The following GRID1 variants were observed in gnomAD, a reference collection of about 807,000 sequenced individuals.
GRID1 encodes the protein glutamate receptor ionotropic, delta-1.
In GRID1, 28 loss-of-function variants were observed where a neutral mutation model predicts 98.0. That is an observed-to-expected ratio of 0.29 (90% CI 0.21 to 0.39). GRID1 has a LOEUF of 0.39. Among genes scored for constraint, GRID1 ranks in the 10% least tolerant of loss-of-function variants. GRID1 has a pLI of 1.00. For synonymous variants in GRID1, 553 were observed against 538.5 expected (o/e 1.03, Z -0.37); for missense variants, 1,111 against 1,340.5 (o/e 0.83, Z 2.67).
At chr10:86,279,499 G>A (rs1040545927) in intron 2 of GRID1, among the ~76,000 whole-genome samples, 1 of 152,108 alleles carries the variant, frequency 6.6e-6, no homozygotes, top group African/African-American at 2.4e-5. Flanking sequence ...AGCCCAAAAA[G>A]AAACACATAT....
intron 2 of GRID1, among the ~76,000 whole-genome samples, chr10:86,325,827 C>A (rs1848041781): frequency 6.6e-6 from 1 of 152,214 alleles, no homozygotes; most frequent in Non-Finnish European, 1.5e-5. Flanking sequence ...AAGCATCACA[C>A]TTAACTGGGA....
At chr10:86,053,793 C>A (rs1843536275) in intron 4 of GRID1, among the ~76,000 whole-genome samples, 1 of 152,160 alleles carries the variant, frequency 6.6e-6, no homozygotes, top group South Asian at 2.1e-4. Flanking sequence ...CACATGCTGG[C>A]CCCCATCCCT....
chr10:85,824,853 T>C (rs959560068), intron 8 of GRID1, among the ~76,000 whole-genome samples: 3 of 152,224 alleles, frequency 2.0e-5, no homozygotes, highest in Non-Finnish European at 4.4e-5. Flanking sequence ...TCCAGATCCA[T>C]TGAAGTTGCT....
intron 2 of GRID1, among the ~76,000 whole-genome samples, chr10:86,225,630 G>A (rs1846329238): frequency 6.6e-6 from 1 of 152,150 alleles, no homozygotes. Context: ...CAGACACCCT[G>A]CCCTGGAGGG....
chr10:86,218,633 C>T lies in GRID1; in HGVS notation c.236-11985G>A, dbSNP rs578124031. ...CTGCTGTTCCCCTGCCAGAAGCTCA[C>T]TGTCACCTGTTGGCCCCTATCTACC... is the stretch of plus-strand genomic sequence containing the variant. On this transcript the variant is annotated intron_variant, in intron 2 of 15. Transcript: ENST00000327946. 1.6e-4 allele frequency among the ~76,000 whole-genome samples: 24 copies of T among 152,342 alleles called. No individual in the cohort carries two copies. In the East Asian group the frequency reaches 4.4e-3, roughly 28 times the overall value.
At chr10:85,907,784 GAATCAAATAT>G (rs1423341419) in intron 5 of GRID1, among the ~76,000 whole-genome samples, 1 of 151,962 alleles carries the variant, frequency 6.6e-6, no homozygotes, top group Non-Finnish European at 1.5e-5. Context: ...AAAATTTAAT[GAATCAAATAT>G]AATCAAATAG....
At chr10:85,835,825 C>T (rs78914109) in intron 8 of GRID1, among the ~76,000 whole-genome samples, 1 of 152,026 alleles carries the variant, frequency 6.6e-6, no homozygotes, top group African/African-American at 2.4e-5. Context: ...TGATATCATA[C>T]AGAGTATGTT....
chr10:86,174,886 A>G (rs549897412), intron 3 of GRID1, among the ~76,000 whole-genome samples: 2 of 152,304 alleles, frequency 1.3e-5, no homozygotes, highest in Non-Finnish European at 1.5e-5. Context: ...AAAACACATG[A>G]AAAAATGCTC....
intron 8 of GRID1, among the ~76,000 whole-genome samples, chr10:85,807,458 T>C (rs1430621883): frequency 6.6e-6 from 1 of 152,190 alleles, no homozygotes; most frequent in Non-Finnish European, 1.5e-5. Flanking sequence ...TACGAATATA[T>C]GAAAGATAAT....
At chr10:86,247,701 G>A (rs536776997) in intron 2 of GRID1, among the ~76,000 whole-genome samples, 12 of 152,250 alleles carry the variant, frequency 7.9e-5, no homozygotes, top group Admixed American at 6.5e-4. Context: ...GGATTGAGAG[G>A]GGGAAGTGCC....
At chr10:85,641,572 C>T (rs1843118720) in intron 13 of GRID1, among the ~76,000 whole-genome samples, 1 of 152,178 alleles carries the variant, frequency 6.6e-6, no homozygotes, top group South Asian at 2.1e-4. Flanking sequence ...GTTTTGGTGA[C>T]CATGCCACTA....
intron 4 of GRID1, among the ~76,000 whole-genome samples, chr10:86,001,241 A>G (rs567085027): frequency 1.3e-5 from 2 of 152,258 alleles, no homozygotes; most frequent in East Asian, 3.9e-4. Context: ...TTTTTGATGG[A>G]GCTGTTCTGT....
At chr10:86,095,214 T>G (rs1237474411) in intron 4 of GRID1, among the ~76,000 whole-genome samples, 1 of 152,188 alleles carries the variant, frequency 6.6e-6, no homozygotes, top group African/African-American at 2.4e-5. Flanking sequence ...TCAAGATGGA[T>G]TAAGGACTTA....
At chr10:85,877,506 A>C (rs1840912410) in intron 5 of GRID1, among the ~76,000 whole-genome samples, 1 of 152,172 alleles carries the variant, frequency 6.6e-6, no homozygotes, top group Non-Finnish European at 1.5e-5. Context: ...ACCCAGGCAA[A>C]CAGGGTCTGG....
intron 2 of GRID1, among the ~76,000 whole-genome samples, chr10:86,298,951 G>A (rs534360940): frequency 2.2e-4 from 34 of 152,024 alleles, no homozygotes; most frequent in African/African-American, 4.4e-4. Context: ...ACAGCATCCC[G>A]TCTTCCAGAA....
chr10:85,979,969 T>A (rs1842524329), intron 4 of GRID1, among the ~76,000 whole-genome samples: 1 of 152,254 alleles, frequency 6.6e-6, no homozygotes, highest in African/African-American at 2.4e-5. Context: ...CAGAATGAAC[T>A]TTTCAACCAA....
intron 8 of GRID1, among the ~76,000 whole-genome samples, chr10:85,768,839 A>T (rs973424210): frequency 2.6e-5 from 4 of 152,226 alleles, no homozygotes; most frequent in African/African-American, 9.6e-5. Flanking sequence ...ATATTTAGCA[A>T]AGTCACAAAC....
intron 13 of GRID1, among the ~76,000 whole-genome samples, chr10:85,635,953 G>A (rs1350254761): frequency 1.3e-5 from 2 of 152,240 alleles, no homozygotes; most frequent in Non-Finnish European, 2.9e-5. Flanking sequence ...AGTGAGAAGA[G>A]TTCAATACTG....
chr10:86,072,229 C>T (rs975079789), intron 4 of GRID1, among the ~76,000 whole-genome samples: 3 of 152,148 alleles, frequency 2.0e-5, no homozygotes, highest in African/African-American at 4.8e-5. Flanking sequence ...ACAATCCATA[C>T]CTCAGTCAAC....
Sources: gnomAD v4.1 joint callset for allele counts (sites outside exome capture counted in the v4.1 genomes callset) on GRCh38, gnomAD v4.1.1 for gene constraint, MANE v1.5 for transcripts, NCBI Gene and HGNC (gene_info 2026-07-23, HGNC 2026-07-21) for gene names.